The following NTM variants were observed in gnomAD, a reference collection of about 807,000 sequenced individuals.
NTM encodes neurotrimin.
Under a neutral mutation model 42.1 loss-of-function variants are expected in NTM, and 13 were observed. The ratio of observed to expected loss-of-function variants is 0.31; its 90% CI spans 0.20 to 0.49. The LOEUF is 0.49. NTM is among the 20% of genes least tolerant of loss of function. The pLI, the probability that NTM is intolerant of heterozygous loss-of-function variation, is 0.99. For synonymous variants in NTM, 187 were observed against 179.2 expected, an observed-to-expected ratio of 1.04 and a Z score of -0.35; for missense variants, 373 against 452.8, an observed-to-expected ratio of 0.82 and a Z score of 1.60.
At chr11:131,767,247 T>A in intron 1 of NTM, 1 of 393,602 alleles carries the variant, frequency 2.5e-6, no homozygotes, top group Non-Finnish European at 3.5e-6. Context: ...AGGATTGTTG[T>A]AAGAATTAAA....
intron 1 of NTM, among the ~76,000 whole-genome samples, chr11:131,529,435 T>C (rs76556349): frequency 0.017 from 2,587 of 152,310 alleles, 66 homozygotes; most frequent in African/African-American, 0.059. Flanking sequence ...TCAACCTTGC[T>C]CCTTTCTGAT....
chr11:131,696,218 A>T (rs1022690288), intron 1 of NTM, among the ~76,000 whole-genome samples: 9 of 152,152 alleles, frequency 5.9e-5, no homozygotes, highest in African/African-American at 2.2e-4. Flanking sequence ...GTTCATTGTC[A>T]CGTGATGACT....
rs1227926580 is a variant in NTM, at chr11:132,151,953, T to C, written c.400+5439T>C. 2.0e-5 allele frequency among the ~76,000 whole-genome samples: 3 copies of C among 152,230 alleles called. No individual in the cohort carries two copies. The East Asian group carries it at 5.8e-4, about 29-fold the overall frequency. ...TTGATTGTCTCCCTATTTCTGACTC[T>C]CTCTCTTACCCACTTGATATATACA... is the stretch of plus-strand genomic sequence containing the variant. On this transcript the variant is annotated intron_variant, in intron 3 of 8. Transcript: ENST00000683400.
intron 4 of NTM, among the ~76,000 whole-genome samples, chr11:132,223,213 C>G (rs1412590562): frequency 6.6e-6 from 1 of 152,140 alleles, no homozygotes; most frequent in African/African-American, 2.4e-5. Context: ...TATGAGTGAA[C>G]AAAGCAGACC....
chr11:131,438,739 G>T (rs1367921991), intron 1 of NTM, among the ~76,000 whole-genome samples: 1 of 152,158 alleles, frequency 6.6e-6, no homozygotes, highest in East Asian at 1.9e-4. Context: ...TCCTCCTTTA[G>T]CTTGGAGAAG....
intron 2 of NTM, among the ~76,000 whole-genome samples, chr11:132,063,149 G>A (rs1225466052): frequency 6.6e-6 from 1 of 152,082 alleles, no homozygotes; most frequent in East Asian, 1.9e-4. Context: ...GTCCTCATGT[G>A]GTAGAAGGGG....
chr11:131,657,400 G>A (rs944762661), intron 1 of NTM, among the ~76,000 whole-genome samples: 2 of 152,242 alleles, frequency 1.3e-5, no homozygotes, highest in East Asian at 1.9e-4. Context: ...AAAGGGCAGA[G>A]GGTGGACCAG....
intron 1 of NTM, among the ~76,000 whole-genome samples, chr11:131,778,671 A>G (rs939654828): frequency 6.6e-6 from 1 of 152,226 alleles, no homozygotes; most frequent in African/African-American, 2.4e-5. Context: ...TATGCAGTAC[A>G]GGAACTTTAG....
chr11:131,982,433 C>G (rs183119662), intron 2 of NTM, among the ~76,000 whole-genome samples: 181 of 152,116 alleles, frequency 1.2e-3, no homozygotes, highest in African/African-American at 3.4e-3. Flanking sequence ...TGGAGAGACA[C>G]GAGAGGTGGG....
intron 2 of NTM, among the ~76,000 whole-genome samples, chr11:131,983,401 A>T (rs1593394236): frequency 8.1e-6 from 1 of 122,894 alleles, no homozygotes; most frequent in Admixed American, 9.7e-5. Flanking sequence ...TTTGAGATGG[A>T]GTCTCGCTCT....
At chr11:132,101,043 C>G (rs1390175329) in intron 2 of NTM, among the ~76,000 whole-genome samples, 1 of 152,144 alleles carries the variant, frequency 6.6e-6, no homozygotes, top group South Asian at 2.1e-4. Flanking sequence ...GAAAGCAGAC[C>G]TGTTGTCTCC....
intron 3 of NTM, among the ~76,000 whole-genome samples, chr11:132,164,174 G>A (rs1448630398): frequency 1.3e-5 from 2 of 152,194 alleles, no homozygotes; most frequent in South Asian, 2.1e-4. Context: ...CACCAAATGG[G>A]TTGGAAAAAT....
chr11:131,980,124 TG>T (rs1280899361), intron 2 of NTM, among the ~76,000 whole-genome samples: 1 of 152,190 alleles, frequency 6.6e-6, no homozygotes, highest in Non-Finnish European at 1.5e-5. Flanking sequence ...AGGGAATGGA[TG>T]TCAAAGGAAA....
At chr11:131,372,285 A>G (rs1202373468) in intron 1 of NTM, among the ~76,000 whole-genome samples, 1 of 151,966 alleles carries the variant, frequency 6.6e-6, no homozygotes, top group East Asian at 1.9e-4. Context: ...TGAATCTTGC[A>G]GGGATGTCCA....
chr11:132,044,751 C>T (rs756458073), intron 2 of NTM, among the ~76,000 whole-genome samples: 2 of 151,978 alleles, frequency 1.3e-5, no homozygotes, highest in Admixed American at 6.6e-5. Context: ...GAGACCACAG[C>T]GGGATGAAGG....
intron 2 of NTM, among the ~76,000 whole-genome samples, chr11:132,134,751 ATATATATATC>A (rs2067528644): frequency 3.4e-5 from 3 of 89,014 alleles, no homozygotes; most frequent in African/African-American, 5.1e-5. Flanking sequence ...ATATATATAT[ATATATATATC>A]TCACATTTTC....
chr11:131,471,013 A>G (rs1013254074), intron 1 of NTM, among the ~76,000 whole-genome samples: 29 of 152,198 alleles, frequency 1.9e-4, no homozygotes, highest in Admixed American at 1.8e-3. Flanking sequence ...CCTTCCTGCC[A>G]TACATTTTTA....
chr11:132,104,685 G>A (rs888594786), intron 2 of NTM, among the ~76,000 whole-genome samples: 2 of 150,480 alleles, frequency 1.3e-5, no homozygotes, highest in African/African-American at 4.9e-5. Context: ...CAAAGAGGGA[G>A]GATTGTATGA....
At chr11:132,113,061 C>T (rs886452783) in intron 2 of NTM, among the ~76,000 whole-genome samples, 1 of 152,146 alleles carries the variant, frequency 6.6e-6, no homozygotes, top group East Asian at 1.9e-4. Context: ...GTCATCCTCT[C>T]CTAGGTATTG....
Sources: gnomAD v4.1 joint callset for allele counts (sites outside exome capture counted in the v4.1 genomes callset) on GRCh38, gnomAD v4.1.1 for gene constraint, MANE v1.5 for transcripts, NCBI Gene and HGNC (gene_info 2026-07-23, HGNC 2026-07-21) for gene names.